The following ZNF407 variants were observed in gnomAD, a reference collection of about 807,000 sequenced individuals.
The protein encoded by ZNF407 is zinc finger protein 407.
In ZNF407, 17 loss-of-function variants were observed where a neutral mutation model predicts 131.2. The ratio of observed to expected loss-of-function variants is 0.13; its 90% CI spans 0.09 to 0.19. The LOEUF is 0.19. ZNF407 is among the 10% of genes least tolerant of loss of function. ZNF407 has a pLI of 1.00. For missense variants in ZNF407, 2,681 were observed against 2,830.6 expected, an observed-to-expected ratio of 0.95 and a Z score of 1.20; for synonymous variants, 1,156 against 1,062.0, an observed-to-expected ratio of 1.09 and a Z score of -1.72.
chr18:74,731,307 G>T (rs1461525812), intron 3 of ZNF407, among the ~76,000 whole-genome samples: 1 of 152,160 alleles, frequency 6.6e-6, no homozygotes, highest in Non-Finnish European at 1.5e-5. Flanking sequence ...TGCATTTCGG[G>T]CGAGTCACTC....
chr18:74,978,081 G>GTTGT (rs1476651575), intron 8 of ZNF407, among the ~76,000 whole-genome samples: 5 of 152,264 alleles, frequency 3.3e-5, no homozygotes, highest in Middle Eastern at 3.4e-3. Context: ...ATCAAATCAG[G>GTTGT]TTGTTTAACG....
At chr18:74,628,911 A>G (rs1178597905) in intron 1 of ZNF407, among the ~76,000 whole-genome samples, 3 of 151,986 alleles carry the variant, frequency 2.0e-5, no homozygotes, top group South Asian at 2.1e-4. Flanking sequence ...ACTGAATACT[A>G]TTTCATTGTG....
At position 74,727,532 on chromosome 18, in the gene ZNF407, G is replaced by A. The variant is rs191190627; in HGVS notation, c.4803-53896G>A. Among the ~76,000 whole-genome samples the A allele has an allele frequency of 2.0e-5, 3 of 152,322 alleles. No homozygotes were observed. The East Asian group carries it at 5.8e-4, about 29-fold the overall frequency. The stretch of plus-strand genomic sequence containing the variant: ...CATTGCTGTTTCTCTGGCAGCACAG[G>A]TGCGTGTTCAACACAGGGGCTCGAA... On this transcript the variant is annotated intron_variant, in intron 3 of 8. Coordinates refer to ENST00000299687, the MANE Select transcript of ZNF407 (RefSeq NM_017757.3).
Position 74,634,762 on chromosome 18 carries a change from A to G in ZNF407, c.3743A>G (p.His1248Arg), listed in dbSNP as rs1316352813. ...GGTGGAGGTGTTGTCCCCCACAGACACCTGTGCCCTGTGACGCTCGATGGG... is the reference window on the plus strand; with the variant it reads ...GGTGGAGGTGTTGTCCCCCACAGACGCCTGTGCCCTGTGACGCTCGATGGG... The part of the protein sequence containing the change: ...GDGGGVVPHR[H>R]LCPVTLDGER... Residue 1248 changes from histidine (H) to arginine (R), a missense_variant, in exon 2 of 9, where the codon CAC becomes CGC. This residue lies in a region of ZNF407 where 1,789 missense variants were observed against 1,748.7 expected (regional missense o/e 1.02). Transcript: ENST00000299687. 4 of 1,614,028 alleles carry G rather than the reference A, an allele frequency of 2.5e-6. No individual in the cohort carries two copies. In the Admixed American group the frequency reaches 5.0e-5, roughly 20 times the overall value.
chr18:74,867,448 T>C (rs1397067931), intron 4 of ZNF407, among the ~76,000 whole-genome samples: 1 of 152,228 alleles, frequency 6.6e-6, no homozygotes, highest in Admixed American at 6.5e-5. Flanking sequence ...ACGTGTCCTG[T>C]GCCCAATGTT....
intron 3 of ZNF407, among the ~76,000 whole-genome samples, chr18:74,646,671 A>G (rs1984988615): frequency 6.6e-6 from 1 of 152,234 alleles, no homozygotes; most frequent in African/African-American, 2.4e-5. Flanking sequence ...TTAAAACTGT[A>G]CAAATGACTT....
intron 3 of ZNF407, among the ~76,000 whole-genome samples, chr18:74,760,621 A>G (rs1039065932): frequency 2.6e-5 from 4 of 152,138 alleles, no homozygotes; most frequent in African/African-American, 9.7e-5. Flanking sequence ...ATTCACACAC[A>G]GTGAGTTGTG....
chr18:75,037,798 T>C (rs1973326941), intron 8 of ZNF407, among the ~76,000 whole-genome samples: 1 of 152,150 alleles, frequency 6.6e-6, no homozygotes, highest in African/African-American at 2.4e-5. Flanking sequence ...GCAGGCCCCT[T>C]GCATGACAGT....
intron 1 of ZNF407, among the ~76,000 whole-genome samples, chr18:74,621,020 A>G (rs1031246108): frequency 6.6e-6 from 1 of 152,224 alleles, no homozygotes; most frequent in Admixed American, 6.5e-5. Flanking sequence ...CCTCCATCCA[A>G]AATGAGCGGA....
chr18:74,989,270 G>A (rs2122133137), intron 8 of ZNF407, among the ~76,000 whole-genome samples: 1 of 152,298 alleles, frequency 6.6e-6, no homozygotes, highest in East Asian at 1.9e-4. Flanking sequence ...GGGACAGAAA[G>A]CAGATATTTG....
At chr18:74,865,842 T>G (rs1470474817) in intron 4 of ZNF407, among the ~76,000 whole-genome samples, 1 of 152,218 alleles carries the variant, frequency 6.6e-6, no homozygotes, top group African/African-American at 2.4e-5. Flanking sequence ...TCTATGAGGT[T>G]TTTCCCAATG....
intron 8 of ZNF407, among the ~76,000 whole-genome samples, chr18:74,931,249 A>G (rs893244756): frequency 1.3e-5 from 2 of 152,246 alleles, no homozygotes; most frequent in Non-Finnish European, 2.9e-5. Context: ...AAAGGGCACC[A>G]TCAAAAAGAT....
chr18:74,633,904 G>A lies in ZNF407; in HGVS notation c.2885G>A (p.Arg962His), dbSNP rs192466098. 1.9e-5 allele frequency: 30 copies of A among 1,613,988 alleles called. No individual in the cohort carries two copies. The highest frequency in any genetic ancestry group is 8.3e-5 in the Admixed American group (5 of 60,020). The change falls in exon 2 of 9, where the codon CGT (arginine) becomes CAT (histidine). Residue 962 changes from arginine (R) to histidine (H), a missense_variant. Arg to His is a conservative substitution (Grantham distance 29). Coordinates refer to ENST00000299687, the MANE Select transcript of ZNF407 (RefSeq NM_017757.3). ...ACCTCCGTTTTAGAGAAGCCAGATC[G>A]TGGAAACTCAATTGAAGCTGAAGTT... is the stretch of plus-strand genomic sequence containing the variant. ...SPTSVLEKPD[R>H]GNSIEAEVEN...
chr18:74,812,492 C>G (rs561512492), intron 4 of ZNF407, among the ~76,000 whole-genome samples: 17 of 152,052 alleles, frequency 1.1e-4, no homozygotes, highest in Admixed American at 2.6e-4. Context: ...TCTCTTTTTT[C>G]CACCACTTCT....
intron 3 of ZNF407, among the ~76,000 whole-genome samples, chr18:74,779,902 A>C (rs981950540): frequency 2.6e-5 from 4 of 152,062 alleles, no homozygotes; most frequent in African/African-American, 9.7e-5. Flanking sequence ...TTAATTATAG[A>C]CAATGGAGGA....
At chr18:74,804,108 A>G (rs1423885937) in intron 4 of ZNF407, 51 of 1,534,612 alleles carry the variant, frequency 3.3e-5, no homozygotes, top group Non-Finnish European at 3.9e-5. Flanking sequence ...CTGAGGACTT[A>G]TTTTGGTTGA....
chr18:74,618,461 A>G (rs878862682), intron 1 of ZNF407, among the ~76,000 whole-genome samples: 128,090 of 152,156 alleles, frequency 0.84, 54,123 homozygotes, highest in Middle Eastern at 0.9. Flanking sequence ...ACCAAATTTG[A>G]ATCCCAAGTG....
chr18:74,975,389 A>G (rs1455459438), intron 8 of ZNF407, among the ~76,000 whole-genome samples: 1 of 152,210 alleles, frequency 6.6e-6, no homozygotes, highest in African/African-American at 2.4e-5. Flanking sequence ...GGAAAGATGC[A>G]TCTTGTAGCC....
chr18:74,706,843 A>G (rs1240997730), intron 3 of ZNF407, among the ~76,000 whole-genome samples: 2 of 152,084 alleles, frequency 1.3e-5, no homozygotes, highest in Non-Finnish European at 2.9e-5. Flanking sequence ...CAACGCTTCA[A>G]GTGCTCATCA....
Sources: gnomAD v4.1 joint callset for allele counts (sites outside exome capture counted in the v4.1 genomes callset) on GRCh38, gnomAD v4.1.1 for gene constraint, gnomAD v4.1.1 regional missense constraint, MANE v1.5 for transcripts, NCBI Gene and HGNC (gene_info 2026-07-23, HGNC 2026-07-21) for gene names.